MROH1: variants seen among roughly 807,000 people sequenced by gnomAD.
MROH1 encodes maestro heat-like repeat-containing protein family member 1.
MROH1 carries 117 observed loss-of-function variants against 116.5 expected under a neutral mutation model. The observed-to-expected ratio is 1.00, with a 90% CI of 0.86 to 1.17. The LOEUF is 1.17. Among genes scored for constraint, MROH1 ranks in the 50% most tolerant of loss-of-function variants. The pLI is 0.00. For missense variants in MROH1, 1,873 were observed against 1,338.5 expected (o/e 1.40, Z -6.23); for synonymous variants, 921 against 583.9 (o/e 1.58, Z -8.32).
intron 10 of MROH1, chr8:144,193,218 CTG>C (rs1239677876): frequency 1.3e-5 from 2 of 153,214 alleles, no homozygotes; most frequent in Non-Finnish European, 2.9e-5. Flanking sequence ...ACTGTTAAAA[CTG>C]TATGAAATGG....
At chr8:144,178,387 C>T (rs531582373) in intron 4 of MROH1, among the ~76,000 whole-genome samples, 65 of 152,108 alleles carry the variant, frequency 4.3e-4, no homozygotes, top group African/African-American at 1.4e-3. Context: ...CCGCCTCAGC[C>T]TCCCTAAGTG....
In MROH1 at chr8:144,163,864, T is replaced by C. The variant is rs1183819742; in HGVS notation, c.22+16T>C. 1.9e-6 allele frequency: 3 copies of C among 1,613,066 alleles called. No homozygotes were observed. Among genetic ancestry groups the C allele is most frequent in the South Asian group, 2.2e-5 (2 of 90,964 alleles). On this transcript the variant is annotated intron_variant, in intron 3 of 43. Transcript: ENST00000326134. The surrounding 1 kb of genome is among the most constrained non-coding windows in gnomAD (Gnocchi z 4.4). ...TCCATGAAGAGTGAGTGCATGGGGATTGGGAGTGGCCGGGTGTGAGGCCTC... is the reference window on the plus strand; with the variant it reads ...TCCATGAAGAGTGAGTGCATGGGGACTGGGAGTGGCCGGGTGTGAGGCCTC...
chr8:144,203,457 G>GTGTGGAGTACTCTGTA (rs1832119823), intron 12 of MROH1, among the ~76,000 whole-genome samples: 1 of 150,534 alleles, frequency 6.6e-6, no homozygotes, highest in Non-Finnish European at 1.5e-5. Context: ...CGCCCCCTCT[G>GTGTGGAGTACTCTGTA]GAGGGGAAGG....
chr8:144,194,589 TC>T (rs986309670), intron 10 of MROH1, among the ~76,000 whole-genome samples: 2 of 152,166 alleles, frequency 1.3e-5, no homozygotes, highest in Non-Finnish European at 2.9e-5. Context: ...TCATCACCTG[TC>T]CACCTTTCTG....
chr8:144,186,364 T>C (rs1006256527), intron 7 of MROH1, among the ~76,000 whole-genome samples: 8 of 152,008 alleles, frequency 5.3e-5, no homozygotes, highest in African/African-American at 9.7e-5. Context: ...TCAGGTGATC[T>C]GTCCACCTCG....
In MROH1 at chr8:144,163,340, G is replaced by A. The variant is rs7461644; in HGVS notation, c.-56-431G>A. ...GTGAAGAGGCAGAGGGAACTTGGACGCTTCCTGGACTCGATTCTTAGGGAC... is the reference window on the plus strand; with the variant it reads ...GTGAAGAGGCAGAGGGAACTTGGACACTTCCTGGACTCGATTCTTAGGGAC... On this transcript the variant is annotated intron_variant, in intron 2 of 43. Transcript: ENST00000326134. This position sits in a 1 kb window ranked among gnomAD's most constrained non-coding sequence, Gnocchi z 4.4. Among the ~76,000 whole-genome samples, 2,493 of 152,294 alleles carry A rather than the reference G, an allele frequency of 0.016. 67 individuals are homozygous for A. Among genetic ancestry groups the A allele is most frequent in the African/African-American group, 0.057 (2,382 of 41,546 alleles).
intron 12 of MROH1, among the ~76,000 whole-genome samples, chr8:144,217,306 T>C (rs1042626214): frequency 6.6e-6 from 1 of 152,214 alleles, no homozygotes; most frequent in African/African-American, 2.4e-5. Flanking sequence ...GTGCACAAAA[T>C]TTTAGAAATC....
At chr8:144,260,432 C>CT (rs1289947519) in intron 39 of MROH1, 58 bp downstream of exon 39, 1 of 701,238 alleles carries the variant, frequency 1.4e-6, no homozygotes, top group East Asian at 2.7e-5. Context: ...GCCTCTTACT[C>CT]TGAGCTTTAG....
chr8:144,232,276 C>G (rs1296976786), intron 14 of MROH1, among the ~76,000 whole-genome samples: 1 of 152,136 alleles, frequency 6.6e-6, no homozygotes, highest in African/African-American at 2.4e-5. Flanking sequence ...TTTGCTCCCA[C>G]CTGTAATAGG....
intron 7 of MROH1, among the ~76,000 whole-genome samples, chr8:144,185,265 A>G (rs1047215402): frequency 2.6e-5 from 4 of 152,052 alleles, no homozygotes; most frequent in African/African-American, 9.7e-5. Flanking sequence ...CTCCCATCTC[A>G]CTGTATGTGT....
chr8:144,200,357 G>A (rs999697616), intron 11 of MROH1, 71 bp from the exon 12 acceptor site: 13 of 1,225,262 alleles, frequency 1.1e-5, no homozygotes, highest in Non-Finnish European at 1.4e-5. Context: ...CTGTGCTGGA[G>A]AGTAGGTGGA....
At chr8:144,259,794 C>T (rs888975313) in intron 37 of MROH1, 117 bp from the exon 38 acceptor site, 13 of 699,024 alleles carry the variant, frequency 1.9e-5, no homozygotes, top group Non-Finnish European at 3.4e-5. Context: ...GGAGTAGGTG[C>T]TCCACCTCTG....
chr8:144,164,960 G>C (rs960193462), intron 3 of MROH1, among the ~76,000 whole-genome samples: 1 of 151,850 alleles, frequency 6.6e-6, no homozygotes, highest in Non-Finnish European at 1.5e-5. Flanking sequence ...GGGGCTGAAG[G>C]GACTAGGATG....
intron 12 of MROH1, among the ~76,000 whole-genome samples, chr8:144,205,386 C>T (rs1156772539): frequency 6.6e-6 from 1 of 152,090 alleles, no homozygotes; most frequent in African/African-American, 2.4e-5. Flanking sequence ...CTTCTAGAAT[C>T]TGTTACTGCT....
Position 144,250,348 on chromosome 8 carries a change from G to C in MROH1, c.3410G>C (p.Ser1137Thr). Residue 1137 changes from serine (S) to threonine (T), a missense_variant, in exon 33 of 44, where the codon AGC (serine) becomes ACC (threonine). Coordinates refer to ENST00000326134, the MANE Select transcript of MROH1 (RefSeq NM_032450.3). ...CAAVVSSLLGSPLPLDSHTCM... is the reference protein window; with the variant it reads ...CAAVVSSLLGTPLPLDSHTCM... ...GCCGTGGTGTCCAGCCTCCTGGGCA[G>C]CCCCTTGCCCTTGGACAGGTACCCA... The C allele has an allele frequency of 1.3e-6, 1 of 765,858 alleles. No homozygotes were observed. The allele number at this position is 765,858 out of a possible 1,614,324, so 47.4% of individuals were successfully genotyped here.
At chr8:144,150,483 G>T (rs1401474228) in intron 1 of MROH1, among the ~76,000 whole-genome samples, 3 of 152,208 alleles carry the variant, frequency 2.0e-5, no homozygotes, top group African/African-American at 4.8e-5. Flanking sequence ...AGCCACTGAG[G>T]CTTGTTGGGG....
intron 31 of MROH1, among the ~76,000 whole-genome samples, chr8:144,248,053 G>A (rs1453291960): frequency 6.6e-6 from 1 of 152,240 alleles, no homozygotes; most frequent in Non-Finnish European, 1.5e-5. Context: ...CCTGTGTGGT[G>A]TTGTCCCCAG....
intron 7 of MROH1, among the ~76,000 whole-genome samples, chr8:144,185,256 T>C (rs1039969233): frequency 2.0e-5 from 3 of 152,120 alleles, no homozygotes; most frequent in African/African-American, 7.2e-5. Flanking sequence ...AGCTGAGCCC[T>C]CCCATCTCAC....
chr8:144,260,456 C>T, intron 39 of MROH1, 82 bp downstream of exon 39: 1 of 698,258 alleles, frequency 1.4e-6, no homozygotes, highest in Non-Finnish European at 2.6e-6. Flanking sequence ...CAGCCCCACC[C>T]TCCTCCCTGT....
Sources: allele counts gnomAD v4.1 joint callset (sites outside exome capture counted in the v4.1 genomes callset), GRCh38; gene constraint gnomAD v4.1.1; non-coding constraint Gnocchi (gnomAD v3.1); transcripts MANE v1.5; gene names NCBI Gene and HGNC (gene_info 2026-07-23, HGNC 2026-07-21).